GBE1: variants seen among roughly 807,000 people sequenced by gnomAD.
The protein encoded by GBE1 is 1,4-alpha-glucan-branching enzyme.
GBE1 carries 70 observed loss-of-function variants against 88.8 expected under a neutral mutation model. That is an observed-to-expected ratio of 0.79 (90% CI 0.65 to 0.96). The LOEUF (loss-of-function observed/expected upper bound fraction) is 0.96, where lower values mean the gene tolerates loss of function less well. GBE1 is among the 40% of genes least tolerant of loss of function. The pLI is 0.00. For missense variants in GBE1, 872 were observed against 871.0 expected (o/e 1.00, Z -0.01); for synonymous variants, 284 against 300.1 (o/e 0.95, Z 0.56).
chr3:81,758,785 T>C (rs1706637725), intron 1 of GBE1, among the ~76,000 whole-genome samples: 1 of 152,228 alleles, frequency 6.6e-6, no homozygotes, highest in Non-Finnish European at 1.5e-5. Context: ...ATTAATCCTC[T>C]ACACTTGATT....
chr3:81,595,083 A>C (rs1251871229), intron 7 of GBE1, among the ~76,000 whole-genome samples: 1 of 151,594 alleles, frequency 6.6e-6, no homozygotes, highest in Non-Finnish European at 1.5e-5. Context: ...TTAGTAATTA[A>C]CTGTTTTAAA....
rs538844015 is a variant in GBE1, at chr3:81,733,915, T to C, written c.143+27460A>G. Among the ~76,000 whole-genome samples, 15 of 152,332 alleles carry C rather than the reference T, an allele frequency of 9.8e-5. No individual in the cohort carries two copies. In the South Asian group the frequency reaches 3.1e-3, roughly 32 times the overall value. Reference sequence around the variant, plus strand: ...AAATTGCTGGCATGGATTCTGTTTCTACACTTGAACAAAAGGTGAGAGTTG... The same window carrying C: ...AAATTGCTGGCATGGATTCTGTTTCCACACTTGAACAAAAGGTGAGAGTTG... On this transcript the variant is annotated intron_variant, in intron 1 of 15. Coordinates refer to ENST00000429644, the MANE Select transcript of GBE1 (RefSeq NM_000158.4). This position sits in a 1 kb window ranked among gnomAD's most constrained non-coding sequence, Gnocchi z 4.0.
intron 15 of GBE1, among the ~76,000 whole-genome samples, chr3:81,494,509 T>A (rs183406852): frequency 6.6e-6 from 1 of 152,326 alleles, no homozygotes; most frequent in East Asian, 1.9e-4. Flanking sequence ...AAAAAGTATA[T>A]TGATGTACCT....
chr3:81,758,438 A>T (rs1706632796), intron 1 of GBE1, among the ~76,000 whole-genome samples: 1 of 152,258 alleles, frequency 6.6e-6, no homozygotes, highest in Admixed American at 6.5e-5. Flanking sequence ...AATAGTGCAT[A>T]GTTCAACATG....
chr3:81,501,395 T>G (rs972773189), intron 14 of GBE1, among the ~76,000 whole-genome samples: 5 of 152,194 alleles, frequency 3.3e-5, no homozygotes, highest in Non-Finnish European at 7.3e-5. Flanking sequence ...GGCAATTTTA[T>G]GATTTGCTTT....
At chr3:81,659,207 G>A (rs1430019675) in intron 3 of GBE1, among the ~76,000 whole-genome samples, 1 of 151,944 alleles carries the variant, frequency 6.6e-6, no homozygotes. Flanking sequence ...GATAGGGGAA[G>A]CACTATCATA....
intron 2 of GBE1, among the ~76,000 whole-genome samples, chr3:81,696,322 C>G (rs1215535393): frequency 6.6e-6 from 1 of 152,128 alleles, no homozygotes; most frequent in Non-Finnish European, 1.5e-5. Context: ...GTAAACCTCT[C>G]CACAATGCAA....
chr3:81,642,706 T>C, intron 7 of GBE1, 75 bp downstream of exon 7: 3 of 934,962 alleles, frequency 3.2e-6, no homozygotes, highest in South Asian at 1.4e-5. Flanking sequence ...ACACACACAA[T>C]GAATTTAGTG....
intron 7 of GBE1, among the ~76,000 whole-genome samples, chr3:81,624,338 C>A (rs1259346619): frequency 6.6e-6 from 1 of 152,176 alleles, no homozygotes; most frequent in Non-Finnish European, 1.5e-5. Flanking sequence ...AGATTACATT[C>A]AAGATGAGAT....
chr3:81,581,147 A>G lies in GBE1; in HGVS notation c.1446+18T>C, dbSNP rs1013562114. The G allele has an allele frequency of 2.2e-5, 30 of 1,378,324 alleles. No individual in the cohort carries two copies. Among genetic ancestry groups the G allele is most frequent in the Non-Finnish European group, 2.9e-5 (28 of 973,532 alleles). 85.4% of individuals were successfully genotyped at this position (1,378,324 alleles called of 1,614,324 possible). A position where few individuals can be genotyped will look rare whatever the true frequency, so the allele number is the denominator to read the frequency against. On this transcript the variant is annotated intron_variant, in intron 11 of 15. Transcript: ENST00000429644. The stretch of plus-strand genomic sequence containing the variant: ...GAGAGAGAGAGAAATAAATGAATTT[A>G]TGCACATATTCATTTACCTGATCAT...
intron 9 of GBE1, 32 bp downstream of exon 9, chr3:81,591,005 G>T (rs749032215): frequency 1.9e-6 from 3 of 1,579,002 alleles, no homozygotes; most frequent in Non-Finnish European, 8.6e-7. Flanking sequence ...TATTAAAGGG[G>T]GTCAGAAGGT....
intron 10 of GBE1, among the ~76,000 whole-genome samples, chr3:81,584,086 T>C (rs781439282): frequency 6.6e-6 from 1 of 152,054 alleles, no homozygotes; most frequent in Non-Finnish European, 1.5e-5. Flanking sequence ...GACACATACA[T>C]TACCTTAACA....
intron 7 of GBE1, among the ~76,000 whole-genome samples, chr3:81,601,314 A>G (rs1282971943): frequency 1.3e-5 from 2 of 152,182 alleles, no homozygotes; most frequent in Non-Finnish European, 2.9e-5. Flanking sequence ...CTCAGGTAAT[A>G]GGTACAGGTG....
At chr3:81,521,124 A>G (rs1333256879) in intron 14 of GBE1, among the ~76,000 whole-genome samples, 1 of 151,576 alleles carries the variant, frequency 6.6e-6, no homozygotes, top group Non-Finnish European at 1.5e-5. Context: ...CACAGGTTTG[A>G]GTGAAAATTG....
intron 1 of GBE1, among the ~76,000 whole-genome samples, chr3:81,711,345 T>A (rs1407577140): frequency 6.6e-6 from 1 of 152,172 alleles, no homozygotes. Context: ...TCAAGAGAAA[T>A]TTTTAATAGC....
chr3:81,758,373 T>G (rs576638341), intron 1 of GBE1, among the ~76,000 whole-genome samples: 1 of 152,246 alleles, frequency 6.6e-6, no homozygotes, highest in Non-Finnish European at 1.5e-5. Context: ...TGATGGGCAC[T>G]GGCCAATGTA....
intron 7 of GBE1, among the ~76,000 whole-genome samples, chr3:81,607,729 G>A (rs189508110): frequency 1.5e-4 from 23 of 151,882 alleles, no homozygotes; most frequent in Admixed American, 1.0e-3. Flanking sequence ...TTTAAAAATC[G>A]TTTTATTTGA....
intron 3 of GBE1, among the ~76,000 whole-genome samples, chr3:81,668,878 G>C (rs1183506575): frequency 1.3e-5 from 2 of 152,146 alleles, no homozygotes; most frequent in African/African-American, 2.4e-5. Context: ...TGAGTGGACT[G>C]TGTCCTAGCT....
At chr3:81,604,249 C>G (rs890094528) in intron 7 of GBE1, among the ~76,000 whole-genome samples, 7 of 149,368 alleles carry the variant, frequency 4.7e-5, no homozygotes, top group African/African-American at 1.7e-4. Flanking sequence ...AAAGCTAAGA[C>G]ATTCACATAA....
Sources: allele counts gnomAD v4.1 joint callset (sites outside exome capture counted in the v4.1 genomes callset), GRCh38; gene constraint gnomAD v4.1.1; non-coding constraint Gnocchi (gnomAD v3.1); transcripts MANE v1.5; gene names NCBI Gene and HGNC (gene_info 2026-07-23, HGNC 2026-07-21).